Variants in ARAP2 observed in about 807,000 individuals in gnomAD.
The protein encoded by ARAP2 is ArfGAP with RhoGAP domain, ankyrin repeat and PH domain 2, also known as arf-GAP with Rho-GAP domain, ANK repeat and PH domain-containing protein 2.
A neutral mutation model predicts 194.5 loss-of-function variants in ARAP2; 148 were observed. The ratio of observed to expected loss-of-function variants is 0.76; its 90% CI spans 0.67 to 0.87. The LOEUF (loss-of-function observed/expected upper bound fraction) is 0.87, where lower values mean the gene tolerates loss of function less well. ARAP2 is among the 40% of genes least tolerant of loss of function. ARAP2 has a pLI of 0.00. For synonymous variants in ARAP2, 695 were observed against 683.5 expected (o/e 1.02, Z -0.26); for missense variants, 2,128 against 1,989.7 (o/e 1.07, Z -1.32).
intron 9 of ARAP2, among the ~76,000 whole-genome samples, chr4:36,170,804 C>T (rs1736438853): frequency 6.6e-6 from 1 of 152,104 alleles, no homozygotes; most frequent in African/African-American, 2.4e-5. Flanking sequence ...CAAAGCAAAG[C>T]AGTGCTTAGT....
rs370454203 is a variant in ARAP2, at chr4:36,080,324, G to A, written c.4545-45C>T. The A allele has an allele frequency of 4.3e-5, 65 of 1,499,554 alleles. No homozygotes were observed. In the African/African-American group the frequency reaches 7.9e-4, roughly 18 times the overall value. 92.9% of individuals were successfully genotyped at this position (1,499,554 alleles called of 1,614,324 possible). A position where few individuals can be genotyped will look rare whatever the true frequency, so the allele number is the denominator to read the frequency against. The stretch of plus-strand genomic sequence containing the variant: ...AACTATGTCATTCAAAAAGACAATT[G>A]ACTGTTCTCTAGTGTATCTGCTGAG... On this transcript the variant is annotated intron_variant, in intron 30 of 32. Transcript: ENST00000303965.
intron 27 of ARAP2, among the ~76,000 whole-genome samples, chr4:36,107,022 A>G (rs968505268): frequency 6.6e-6 from 1 of 151,994 alleles, no homozygotes; most frequent in African/African-American, 2.4e-5. Flanking sequence ...ATGGTCTTAT[A>G]TAGTTCACTG....
chr4:36,160,730 G>A, intron 12 of ARAP2, 89 bp from the exon 13 acceptor site: 1 of 1,091,090 alleles, frequency 9.2e-7, no homozygotes, highest in Non-Finnish European at 1.2e-6. Context: ...ACAAATTAAA[G>A]CATAACTTAG....
At chr4:36,020,377 C>T (rs552873278) in intron 5 of ARAP2, among the ~76,000 whole-genome samples, 1 of 152,268 alleles carries the variant, frequency 6.6e-6, no homozygotes, top group East Asian at 1.9e-4. Flanking sequence ...TGCCATTGCA[C>T]TCCATCCTGG....
chr4:36,239,466 A>T (rs576456226), intron 1 of ARAP2, among the ~76,000 whole-genome samples: 1 of 152,308 alleles, frequency 6.6e-6, no homozygotes, highest in East Asian at 1.9e-4. Flanking sequence ...AGGAATAAAT[A>T]CTGTCACATG....
At chr4:36,056,839 A>T (rs1171049572) in intron 2 of ARAP2, among the ~76,000 whole-genome samples, 1 of 152,160 alleles carries the variant, frequency 6.6e-6, no homozygotes, top group South Asian at 2.1e-4. Context: ...CATCCTTGAC[A>T]TTGTAACTAA....
intron 26 of ARAP2, among the ~76,000 whole-genome samples, chr4:36,108,894 T>C (rs565953903): frequency 7.2e-5 from 11 of 152,122 alleles, no homozygotes; most frequent in Admixed American, 5.9e-4. Flanking sequence ...CCTAGTGTTG[T>C]AGCCATGTAA....
At chr4:36,222,192 A>G (rs1219520067) in intron 2 of ARAP2, among the ~76,000 whole-genome samples, 2 of 152,108 alleles carry the variant, frequency 1.3e-5, no homozygotes, top group African/African-American at 4.8e-5. Flanking sequence ...TAAAGGGGGG[A>G]AAATCCAGGG....
intron 8 of ARAP2, among the ~76,000 whole-genome samples, chr4:36,187,087 A>G (rs1034010373): frequency 6.6e-6 from 1 of 152,210 alleles, no homozygotes; most frequent in Non-Finnish European, 1.5e-5. Context: ...TAACCAACTT[A>G]ATAGTTAGAA....
At chr4:36,136,643 C>A (rs1726783145) in intron 19 of ARAP2, among the ~76,000 whole-genome samples, 1 of 151,538 alleles carries the variant, frequency 6.6e-6, no homozygotes, top group African/African-American at 2.4e-5. Context: ...ACAAATATGG[C>A]TGGAAAAGAT....
chr4:36,175,150 G>C (rs2109840335), intron 9 of ARAP2, among the ~76,000 whole-genome samples: 1 of 152,188 alleles, frequency 6.6e-6, no homozygotes, highest in Admixed American at 6.5e-5. Flanking sequence ...AAGATACAGA[G>C]GTTCAAATCT....
At chr4:36,242,997 CT>C (rs1238464678) in intron 1 of ARAP2, among the ~76,000 whole-genome samples, 2 of 151,800 alleles carry the variant, frequency 1.3e-5, no homozygotes, top group African/African-American at 2.4e-5. Flanking sequence ...CCATGACCCA[CT>C]TTTTTTTCTT....
chr4:36,135,026 T>G (rs1481538398), intron 19 of ARAP2, among the ~76,000 whole-genome samples: 1 of 151,774 alleles, frequency 6.6e-6, no homozygotes, highest in Non-Finnish European at 1.5e-5. Flanking sequence ...TCTCCGGTCA[T>G]TAGCATAGTG....
intron 6 of ARAP2, among the ~76,000 whole-genome samples, chr4:36,196,073 T>A (rs775241418): frequency 6.6e-6 from 1 of 152,194 alleles, no homozygotes; most frequent in Non-Finnish European, 1.5e-5. Context: ...AAAGAACGGT[T>A]GAGGGAATGC....
chr4:36,161,645 GT>G, intron 11 of ARAP2, 95 bp from the exon 12 acceptor site: 1 of 955,774 alleles, frequency 1.0e-6, no homozygotes, highest in Non-Finnish European at 1.6e-6. Flanking sequence ...GTGTATGTTC[GT>G]TGCGTATCTT....
rs542626887 is a variant in ARAP2 at position 36,209,876 on chromosome 4, G to A, written c.1487+514C>T. The stretch of plus-strand genomic sequence containing the variant: ...ATCCAAAGAAAAGTATAATATTCAC[G>A]GGACTCTGACCTTCTGTGTAACATA... On this transcript the variant is annotated intron_variant, in intron 6 of 32. Transcript: ENST00000303965. Among the ~76,000 whole-genome samples, 17 of 152,168 alleles carry A rather than the reference G, an allele frequency of 1.1e-4. No homozygotes were observed. The South Asian group carries it at 2.5e-3, about 22-fold the overall frequency.
intron 2 of ARAP2, among the ~76,000 whole-genome samples, chr4:36,057,399 A>C (rs1723702596): frequency 6.6e-6 from 1 of 151,070 alleles, no homozygotes; most frequent in East Asian, 1.9e-4. Context: ...TATTGAATCT[A>C]TTGGTATAAA....
At chr4:36,224,216 A>AAAAT (rs10597123) in intron 2 of ARAP2, among the ~76,000 whole-genome samples, 5 of 149,090 alleles carry the variant, frequency 3.4e-5, no homozygotes, top group Non-Finnish European at 5.9e-5. Context: ...CAAAATGTTA[A>AAAAT]AAATAAATAA....
At position 36,164,942 on chromosome 4, in the gene ARAP2, G is replaced by A. The variant is rs768987512; in HGVS notation, c.2145C>T (p.Leu715=). The A allele has an allele frequency of 9.3e-6, 15 of 1,614,072 alleles. 1 individual carries two copies. In the Admixed American group the frequency reaches 1.3e-4, roughly 14 times the overall value. ...CACACTTCTTACAGATGACAACACA[G>A]AGATTGATGGATGCCCAGTCAGGAT... is the stretch of plus-strand genomic sequence containing the variant. ...APDPDWASIN[L]CVVICKKCAG... The change falls in exon 11 of 33, where the codon CTC becomes CTT. Residue 715 remains leucine, a synonymous_variant. Transcript: ENST00000303965.
Sources: gnomAD v4.1 joint callset for allele counts (sites outside exome capture counted in the v4.1 genomes callset) on GRCh38, gnomAD v4.1.1 for gene constraint, MANE v1.5 for transcripts, NCBI Gene and HGNC (gene_info 2026-07-23, HGNC 2026-07-21) for gene names.